The following PTPRD variants were observed in gnomAD, a reference collection of about 807,000 sequenced individuals.
The protein encoded by PTPRD is receptor-type tyrosine-protein phosphatase delta.
PTPRD carries 34 observed loss-of-function variants against 214.5 expected under a neutral mutation model. That is an observed-to-expected ratio of 0.16 (90% CI 0.12 to 0.21). PTPRD has a LOEUF of 0.21. Ranked by LOEUF, PTPRD falls within the 10% of genes least tolerant of loss-of-function variation. The pLI, the probability that PTPRD is intolerant of heterozygous loss-of-function variation, is 1.00. For synonymous variants in PTPRD, 1,128 were observed against 845.7 expected, an observed-to-expected ratio of 1.33 and a Z score of -5.79; for missense variants, 2,545 against 2,398.7, an observed-to-expected ratio of 1.06 and a Z score of -1.27.
At chr9:10,573,240 T>C (rs1266690370) in intron 2 of PTPRD, among the ~76,000 whole-genome samples, 1 of 152,248 alleles carries the variant, frequency 6.6e-6, no homozygotes, top group Non-Finnish European at 1.5e-5. Context: ...TACATTTTGA[T>C]GTTTTTTTAC....
intron 11 of PTPRD, among the ~76,000 whole-genome samples, chr9:8,764,922 A>G (rs2094617039): frequency 6.6e-6 from 1 of 152,134 alleles, no homozygotes. Context: ...ATGATTGGGC[A>G]TGAGGATACA....
intron 7 of PTPRD, among the ~76,000 whole-genome samples, chr9:9,713,185 C>T (rs1195375508): frequency 6.6e-6 from 1 of 152,160 alleles, no homozygotes; most frequent in Non-Finnish European, 1.5e-5. Context: ...TGCCAGAAAA[C>T]TTCAGACAGA....
chr9:10,553,103 A>G (rs1425710348), intron 2 of PTPRD, among the ~76,000 whole-genome samples: 2 of 152,168 alleles, frequency 1.3e-5, no homozygotes, highest in Non-Finnish European at 2.9e-5. Context: ...CTCCATGCTG[A>G]GAATCACAGA....
chr9:10,161,666 C>T (rs2099127945), intron 3 of PTPRD, among the ~76,000 whole-genome samples: 1 of 151,638 alleles, frequency 6.6e-6, no homozygotes, highest in Non-Finnish European at 1.5e-5. Context: ...ACCACAAAAG[C>T]AAGGCATTGC....
rs186881490 is a variant in PTPRD at position 8,509,357 on chromosome 9, A to T, written c.1544-1923T>A. Among the ~76,000 whole-genome samples the T allele has an allele frequency of 5.3e-4, 81 of 152,324 alleles. No individual in the cohort carries two copies. In the Middle Eastern group the frequency reaches 0.01, roughly 19 times the overall value. On this transcript the variant is annotated intron_variant, in intron 21 of 45. Transcript: ENST00000381196. ...TAGGACCTAACCTAATATTCACATG[A>T]TAAAAGGGTTTCTCAGGCTAAAAAT...
At chr9:8,352,222 C>T (rs553102603) in intron 39 of PTPRD, among the ~76,000 whole-genome samples, 1 of 152,004 alleles carries the variant, frequency 6.6e-6, no homozygotes, top group Non-Finnish European at 1.5e-5. Flanking sequence ...AATTAGAAGG[C>T]TAATGTGTTC....
chr9:9,086,842 CA>C (rs1393665954), intron 10 of PTPRD, among the ~76,000 whole-genome samples: 28 of 151,928 alleles, frequency 1.8e-4, no homozygotes, highest in East Asian at 1.9e-4. Flanking sequence ...GCCAGTGAAA[CA>C]AAAAAGTTGA....
intron 4 of PTPRD, among the ~76,000 whole-genome samples, chr9:9,953,914 A>T (rs1306259895): frequency 6.6e-6 from 1 of 152,110 alleles, no homozygotes; most frequent in Non-Finnish European, 1.5e-5. Flanking sequence ...CTTTTTGTGT[A>T]AAGGGAGGAT....
intron 11 of PTPRD, among the ~76,000 whole-genome samples, chr9:9,013,864 T>C (rs1485430664): frequency 6.6e-6 from 1 of 152,168 alleles, no homozygotes; most frequent in Non-Finnish European, 1.5e-5. Context: ...AAAGGGCCTC[T>C]ACTGGCCTGA....
At chr9:10,509,470 C>CATCTATCTATCT (rs4008059) in intron 2 of PTPRD, among the ~76,000 whole-genome samples, 32,407 of 137,554 alleles carry the variant, frequency 0.24, 4,009 homozygotes, top group Admixed American at 0.3. Flanking sequence ...TTGATTGATC[C>CATCTATCTATCT]ATCTATCTAT....
At chr9:8,487,609 G>C (rs1406355517) in intron 27 of PTPRD, among the ~76,000 whole-genome samples, 1 of 152,038 alleles carries the variant, frequency 6.6e-6, no homozygotes, top group East Asian at 1.9e-4. Flanking sequence ...TTGGGAGTTT[G>C]AGACCAGCCT....
At chr9:8,976,188 G>T (rs2099267050) in intron 11 of PTPRD, among the ~76,000 whole-genome samples, 1 of 151,962 alleles carries the variant, frequency 6.6e-6, no homozygotes, top group African/African-American at 2.4e-5. Flanking sequence ...TCTGGGGAAA[G>T]TTCACCATAT....
intron 11 of PTPRD, among the ~76,000 whole-genome samples, chr9:8,983,538 A>G (rs1327077765): frequency 2.7e-5 from 4 of 149,166 alleles, no homozygotes; most frequent in African/African-American, 9.8e-5. Context: ...TGTTTTGGAG[A>G]AAAAGTCTCA....
At chr9:8,640,700 C>T (rs949182874) in intron 12 of PTPRD, among the ~76,000 whole-genome samples, 73 of 141,804 alleles carry the variant, frequency 5.1e-4, no homozygotes, top group African/African-American at 1.8e-3. Context: ...AAAAAAAATA[C>T]ATATATATAT....
chr9:8,392,680 C>A (rs183224538), intron 36 of PTPRD, among the ~76,000 whole-genome samples: 1 of 152,246 alleles, frequency 6.6e-6, no homozygotes, highest in East Asian at 1.9e-4. Context: ...GAAGGTAGTA[C>A]ATGGAATGAA....
intron 7 of PTPRD, among the ~76,000 whole-genome samples, chr9:9,709,583 A>G (rs1400502141): frequency 6.6e-6 from 1 of 152,076 alleles, no homozygotes; most frequent in African/African-American, 2.4e-5. Flanking sequence ...CTTAATACAT[A>G]CTACAAACCT....
At chr9:9,308,729 G>A (rs554845739) in intron 9 of PTPRD, among the ~76,000 whole-genome samples, 2 of 152,232 alleles carry the variant, frequency 1.3e-5, no homozygotes, top group South Asian at 4.1e-4. Context: ...TTTGGAAAGA[G>A]TTATTAAAAT....
At chr9:9,833,693 T>A (rs1377511685) in intron 5 of PTPRD, among the ~76,000 whole-genome samples, 1 of 142,332 alleles carries the variant, frequency 7.0e-6, no homozygotes, top group Admixed American at 7.9e-5. Context: ...AGGGGGGCAG[T>A]TCAGAGACCT....
intron 3 of PTPRD, among the ~76,000 whole-genome samples, chr9:10,146,824 A>T (rs1276504645): frequency 6.6e-6 from 1 of 152,162 alleles, no homozygotes; most frequent in Non-Finnish European, 1.5e-5. Flanking sequence ...CTGAAGTTTT[A>T]GTCGTCCATC....
Sources: allele counts gnomAD v4.1 joint callset (sites outside exome capture counted in the v4.1 genomes callset), GRCh38; gene constraint gnomAD v4.1.1; transcripts MANE v1.5; gene names NCBI Gene and HGNC (gene_info 2026-07-23, HGNC 2026-07-21).